Variants in SYTL5 observed in about 807,000 individuals in gnomAD.
SYTL5 encodes the protein synaptotagmin like 5.
SYTL5 carries 34 observed loss-of-function variants against 55.9 expected under a neutral mutation model. The ratio of observed to expected loss-of-function variants is 0.61; its 90% CI spans 0.46 to 0.81. The LOEUF is 0.81. Ranked by LOEUF, SYTL5 falls within the 30% of genes least tolerant of loss-of-function variation. SYTL5 has a pLI of 0.00. For missense variants in SYTL5, 637 were observed against 546.7 expected (o/e 1.17, Z -1.65); for synonymous variants, 221 against 188.7 (o/e 1.17, Z -1.40).
the SYTL5 span, among the ~76,000 whole-genome samples, chrX:37,944,147 G>A: frequency 3.6e-5 from 4 of 111,174 alleles, no homozygotes; most frequent in Non-Finnish European, 7.5e-5. Flanking sequence ...GAGCATAGTC[G>A]TTTCATGTTT....
At chrX:37,958,113 G>A in the SYTL5 span, among the ~76,000 whole-genome samples, 1 of 110,063 alleles carries the variant, frequency 9.1e-6, no homozygotes, top group Non-Finnish European at 1.9e-5. Flanking sequence ...GGAGGCTGGG[G>A]CAGGATAATT....
intron 3 of SYTL5, among the ~76,000 whole-genome samples, chrX:38,060,910 C>T (rs1935925848): frequency 9.0e-6 from 1 of 111,682 alleles, no homozygotes; most frequent in African/African-American, 3.2e-5. Context: ...CCCAAATATC[C>T]ACCTATATAA....
upstream of SYTL5, among the ~76,000 whole-genome samples, chrX:38,004,414 C>T (rs1933938340): frequency 8.9e-6 from 1 of 111,794 alleles, no homozygotes; most frequent in African/African-American, 3.2e-5. Flanking sequence ...CCAGCAATCC[C>T]ACTCCTGAGT....
chrX:38,060,210 G>A (rs1201889966), intron 3 of SYTL5, among the ~76,000 whole-genome samples: 1 of 111,669 alleles, frequency 9.0e-6, no homozygotes, highest in Admixed American at 9.5e-5. Context: ...TAGTTAGTAC[G>A]GATGATAACT....
At chrX:37,960,771 TTTA>T in the SYTL5 span, among the ~76,000 whole-genome samples, 30 of 18,529 alleles carry the variant, frequency 1.6e-3, no homozygotes, top group African/African-American at 5.5e-3. Flanking sequence ...ATTATTTTTA[TTTA>T]TTTATTTATT....
At chrX:38,095,930 G>A (rs192141419) in intron 8 of SYTL5, among the ~76,000 whole-genome samples, 139 of 110,906 alleles carry the variant, frequency 1.3e-3, no homozygotes, top group African/African-American at 4.3e-3. Flanking sequence ...TCGGTCCAAG[G>A]CAATTACCAA....
chrX:37,892,867 T>A, the SYTL5 span, among the ~76,000 whole-genome samples: 2 of 84,585 alleles, frequency 2.4e-5, no homozygotes, highest in Non-Finnish European at 4.4e-5. Flanking sequence ...CACTCTATAC[T>A]ATATATGTAT....
At chrX:37,905,716 G>A in the SYTL5 span, among the ~76,000 whole-genome samples, 9 of 112,667 alleles carry the variant, frequency 8.0e-5, no homozygotes, top group African/African-American at 2.9e-4. Context: ...TATATGAAAG[G>A]TGTGTTGAGC....
At chrX:38,073,191 C>A (rs1007840959) in intron 4 of SYTL5, among the ~76,000 whole-genome samples, 1 of 112,065 alleles carries the variant, frequency 8.9e-6, no homozygotes, top group African/African-American at 3.2e-5. Context: ...CACAGATGCC[C>A]ACCCTCCCAG....
At chrX:38,084,092 C>G (rs1460113684) in intron 6 of SYTL5, among the ~76,000 whole-genome samples, 1 of 111,235 alleles carries the variant, frequency 9.0e-6, no homozygotes, top group Non-Finnish European at 1.9e-5. Context: ...ACAGACAAGC[C>G]TTGCTAGGTT....
At chrX:37,942,802 C>T in the SYTL5 span, among the ~76,000 whole-genome samples, 1 of 111,761 alleles carries the variant, frequency 8.9e-6, no homozygotes, top group African/African-American at 3.3e-5. Context: ...ATCATGCCAC[C>T]ATGTTCTCAG....
the SYTL5 span, among the ~76,000 whole-genome samples, chrX:37,966,815 A>T: frequency 8.9e-6 from 1 of 111,862 alleles, no homozygotes; most frequent in African/African-American, 3.2e-5. Context: ...TTTACCCACC[A>T]GCATTACAGT....
At chrX:37,892,679 T>C in the SYTL5 span, among the ~76,000 whole-genome samples, 3 of 86,724 alleles carry the variant, frequency 3.5e-5, no homozygotes, top group South Asian at 4.4e-4. Context: ...AGTATATATG[T>C]ATATATTAGT....
At chrX:37,920,477 T>C in the SYTL5 span, among the ~76,000 whole-genome samples, 1 of 110,809 alleles carries the variant, frequency 9.0e-6, no homozygotes, top group South Asian at 3.9e-4. Flanking sequence ...TACTGGACTC[T>C]AGTGATATCA....
At chrX:38,115,907 C>T (rs777073651) in intron 13 of SYTL5, among the ~76,000 whole-genome samples, 3 of 112,122 alleles carry the variant, frequency 2.7e-5, no homozygotes, top group East Asian at 2.8e-4. Context: ...TTCACTCTGT[C>T]GATTGTTTTC....
chrX:38,043,661 G>GTGTATATA (rs1285664433), intron 2 of SYTL5, among the ~76,000 whole-genome samples: 16 of 50,134 alleles, frequency 3.2e-4, no homozygotes, highest in African/African-American at 1.3e-3. Context: ...ATGTATGTAT[G>GTGTATATA]TATATATATA....
the SYTL5 span, among the ~76,000 whole-genome samples, chrX:37,935,925 TA>T: frequency 8.9e-6 from 1 of 112,013 alleles, no homozygotes; most frequent in African/African-American, 3.2e-5. Context: ...ATAAGTGAAT[TA>T]AACAGCATAA....
chrX:38,116,593 A>G (rs1046676092), intron 13 of SYTL5, among the ~76,000 whole-genome samples: 5 of 112,726 alleles, frequency 4.4e-5, no homozygotes, highest in African/African-American at 1.6e-4. Context: ...TAAAAAATGT[A>G]TGATTTTTTC....
At chrX:37,944,953 C>T in the SYTL5 span, among the ~76,000 whole-genome samples, 1 of 112,448 alleles carries the variant, frequency 8.9e-6, no homozygotes. Flanking sequence ...AAAGCTGGTA[C>T]AACTTCCTAT....
Sources: allele counts gnomAD v4.1 joint callset (sites outside exome capture counted in the v4.1 genomes callset), GRCh38; gene constraint gnomAD v4.1.1; transcripts MANE v1.5; gene names NCBI Gene and HGNC (gene_info 2026-07-23, HGNC 2026-07-21).